Variants in CA1 observed in about 807,000 individuals in gnomAD.
CA1 encodes carbonate dehydratase I.
In CA1, 27 loss-of-function variants were observed where a neutral mutation model predicts 28.8. That is an observed-to-expected ratio of 0.94 (90% confidence interval 0.69 to 1.29). The LOEUF is 1.29. CA1 is among the 50% of genes most tolerant of loss of function. The probability of loss-of-function intolerance (pLI) is 0.00; values close to 1 mark genes in which losing one functional copy is unlikely to be tolerated. For synonymous variants in CA1, 121 were observed against 108.8 expected (o/e 1.11, Z -0.70); for missense variants, 335 against 310.5 (o/e 1.08, Z -0.59).
intron 1 of CA1, among the ~76,000 whole-genome samples, chr8:85,357,618 A>C (rs949232729): frequency 6.6e-6 from 1 of 152,208 alleles, no homozygotes; most frequent in Admixed American, 6.5e-5. Context: ...AAGGGGTAGA[A>C]ATTTTGTATA....
intron 1 of CA1, among the ~76,000 whole-genome samples, chr8:85,373,253 G>C (rs1278493246): frequency 6.6e-6 from 1 of 152,216 alleles, no homozygotes; most frequent in Non-Finnish European, 1.5e-5. Flanking sequence ...TAGAAAACAT[G>C]TTTTGATAAC....
chr8:85,333,510 T>C lies in CA1; in HGVS notation c.450+15A>G. 3 of 1,520,852 alleles carry C rather than the reference T, an allele frequency of 2.0e-6. No homozygotes were observed. Among genetic ancestry groups the C allele is most frequent in the Middle Eastern group, 1.7e-4 (1 of 5,866 alleles). The allele number at this position is 1,520,852 out of a possible 1,614,324, so 94.2% of individuals were successfully genotyped here. On this transcript the variant is annotated intron_variant, in intron 5 of 7. Coordinates refer to ENST00000523022, the MANE Select transcript of CA1 (RefSeq NM_001128831.4). Reference sequence around the variant, plus strand: ...AGACAGTGGAAGCAGAGCTGTGTAATTATCTGTAACTCACCTTCATCAAAA... The same window carrying C: ...AGACAGTGGAAGCAGAGCTGTGTAACTATCTGTAACTCACCTTCATCAAAA...
At chr8:85,342,111 A>T (rs1213176616) in intron 1 of CA1, among the ~76,000 whole-genome samples, 1 of 152,128 alleles carries the variant, frequency 6.6e-6, no homozygotes, top group Non-Finnish European at 1.5e-5. Flanking sequence ...CTGAACTAGT[A>T]TCTTAATGTT....
chr8:85,333,504 G>T, intron 5 of CA1, 21 bp downstream of exon 5: 1 of 1,431,294 alleles, frequency 7.0e-7, no homozygotes, highest in Non-Finnish European at 9.9e-7. Context: ...AAGCAGAGCT[G>T]TGTAATTATC....
chr8:85,345,450 A>G (rs1008802425), intron 1 of CA1, among the ~76,000 whole-genome samples: 6 of 152,136 alleles, frequency 3.9e-5, no homozygotes, highest in Admixed American at 6.5e-5. Context: ...TACTTGCTTA[A>G]TGTCTATAAC....
At chr8:85,335,578 G>A (rs373202718) in intron 4 of CA1, among the ~76,000 whole-genome samples, 8 of 152,180 alleles carry the variant, frequency 5.3e-5, no homozygotes, top group East Asian at 1.9e-4. Flanking sequence ...TGTCTTATAG[G>A]TATCTCAAGA....
chr8:85,334,884 G>A (rs528615065), intron 4 of CA1, among the ~76,000 whole-genome samples: 5 of 152,204 alleles, frequency 3.3e-5, no homozygotes, highest in African/African-American at 1.2e-4. Context: ...CAGCTACTCA[G>A]GAGGCCGGGG....
At chr8:85,364,019 T>A (rs1029563862) in intron 1 of CA1, among the ~76,000 whole-genome samples, 13 of 152,204 alleles carry the variant, frequency 8.5e-5, no homozygotes, top group South Asian at 4.1e-4. Context: ...TATTTTTTTT[T>A]AAATAGAGAC....
chr8:85,362,883 C>T (rs1001302247), intron 1 of CA1, among the ~76,000 whole-genome samples: 2 of 151,898 alleles, frequency 1.3e-5, no homozygotes, highest in Admixed American at 1.3e-4. Context: ...GCAATAGATA[C>T]CTGAGAAGAA....
chr8:85,367,021 T>A (rs1280140777), intron 1 of CA1, among the ~76,000 whole-genome samples: 1 of 152,014 alleles, frequency 6.6e-6, no homozygotes, highest in Non-Finnish European at 1.5e-5. Flanking sequence ...TTATTTAAAT[T>A]TTTTCTTAAC....
chr8:85,344,166 ATATACTGTATATAAT>A, intron 1 of CA1, among the ~76,000 whole-genome samples: 1 of 132,266 alleles, frequency 7.6e-6, no homozygotes, highest in East Asian at 2.1e-4. Flanking sequence ...ACTGTATATT[ATATACTGTATATAAT>A]ATATAATTAT....
intron 1 of CA1, among the ~76,000 whole-genome samples, chr8:85,372,270 G>A (rs573603462): frequency 1.3e-5 from 2 of 152,088 alleles, no homozygotes; most frequent in South Asian, 2.1e-4. Flanking sequence ...CTCATCAGAC[G>A]GCTACTATGA....
rs560783750 is a variant in CA1 at position 85,337,082 on chromosome 8, G to A, written c.236-19C>T. The A allele has an allele frequency of 2.1e-4, 290 of 1,354,364 alleles. 3 individuals are homozygous for A. The South Asian group carries it at 2.2e-3, about 10-fold the overall frequency. The allele number at this position is 1,354,364 out of a possible 1,614,324, so 83.9% of individuals were successfully genotyped here. A position where few individuals can be genotyped will look rare whatever the true frequency, so the allele number is the denominator to read the frequency against. On this transcript the variant is annotated intron_variant, in intron 3 of 7. Coordinates refer to ENST00000523022, the MANE Select transcript of CA1 (RefSeq NM_001128831.4). ...TTCAGCACTGGAAGAAAAGGGAACC[G>A]ATTGTTAGCCTGATGCTCCACAAAC... is the stretch of plus-strand genomic sequence containing the variant.
chr8:85,362,388 A>G (rs1809830924), intron 1 of CA1, among the ~76,000 whole-genome samples: 2 of 152,150 alleles, frequency 1.3e-5, no homozygotes, highest in African/African-American at 4.8e-5. Flanking sequence ...GTTGGGGCCA[A>G]TTATTTAGCC....
intron 6 of CA1, among the ~76,000 whole-genome samples, chr8:85,331,853 T>C (rs1024376926): frequency 7.9e-5 from 12 of 152,168 alleles, no homozygotes; most frequent in African/African-American, 2.9e-4. Context: ...ACTCTTGAGT[T>C]GAGGGCTTAT....
intron 1 of CA1, among the ~76,000 whole-genome samples, chr8:85,358,393 C>T (rs564894094): frequency 1.2e-4 from 18 of 152,180 alleles, no homozygotes; most frequent in Middle Eastern, 3.4e-3. Flanking sequence ...CTTTTATAAC[C>T]GTCTGAAATT....
At chr8:85,374,705 T>G (rs553334104) in intron 1 of CA1, among the ~76,000 whole-genome samples, 1 of 152,336 alleles carries the variant, frequency 6.6e-6, no homozygotes, top group African/African-American at 2.4e-5. Context: ...CATCTGTTTC[T>G]CTTCAATAAC....
intron 1 of CA1, among the ~76,000 whole-genome samples, chr8:85,352,689 C>T (rs1384303929): frequency 7.1e-6 from 1 of 141,830 alleles, no homozygotes; most frequent in Admixed American, 7.3e-5. Context: ...TTTTTTGAGA[C>T]ATAGTCTCAC....
In CA1 at chr8:85,329,815, G is replaced by C. The variant is rs1295516109; in HGVS notation, c.543C>G (p.Asp181Glu). The C allele has an allele frequency of 1.9e-6, 3 of 1,597,834 alleles. No individual in the cohort carries two copies. Among genetic ancestry groups the C allele is most frequent in the Non-Finnish European group, 2.6e-6 (3 of 1,170,600 alleles). The change falls in exon 7 of 8, where the codon GAC (aspartate) becomes GAG (glutamate). Residue 181 changes from aspartate (D) to glutamate (E), a missense_variant. Physicochemically the swap from Asp to Glu is conservative, Grantham distance 45 (BLOSUM62 2). Transcript: ENST00000523022. ...KGKRAPFTNF[D>E]PSTLLPSSLD... ...GGGATGAAGGAAGGAGAGTAGAGGG[G>C]TCAAAATTTGTGAATGGGGCTCGTT...
Sources: gnomAD v4.1 joint callset for allele counts (sites outside exome capture counted in the v4.1 genomes callset) on GRCh38, gnomAD v4.1.1 for gene constraint, MANE v1.5 for transcripts, NCBI Gene and HGNC (gene_info 2026-07-23, HGNC 2026-07-21) for gene names.